Variants in ZBBX observed in about 807,000 individuals in gnomAD.
ZBBX encodes the protein zinc finger B-box domain containing, also known as zinc finger B-box domain-containing protein 1.
A neutral mutation model predicts 108.5 loss-of-function variants in ZBBX; 101 were observed. The ratio of observed to expected loss-of-function variants is 0.93; its 90% CI spans 0.79 to 1.10. ZBBX has a LOEUF of 1.10. Among genes scored for constraint, ZBBX ranks in the 50% least tolerant of loss-of-function variants. The probability of loss-of-function intolerance (pLI) is 0.00; values close to 1 mark genes in which losing one functional copy is unlikely to be tolerated. For synonymous variants in ZBBX, 356 were observed against 323.4 expected, an observed-to-expected ratio of 1.10 and a Z score of -1.08; for missense variants, 1,009 against 941.4, an observed-to-expected ratio of 1.07 and a Z score of -0.94.
chr3:167,251,961 T>C (rs199874541), intron 20 of ZBBX, among the ~76,000 whole-genome samples: 840 of 71,666 alleles, frequency 0.012, 5 homozygotes, highest in East Asian at 0.075. Flanking sequence ...CACACACACA[T>C]CTGTCCATGC....
chr3:167,274,966 A>C (rs1432605337), intron 20 of ZBBX, among the ~76,000 whole-genome samples: 1 of 152,208 alleles, frequency 6.6e-6, no homozygotes, highest in South Asian at 2.1e-4. Context: ...TGATGAGGAA[A>C]CTAAATTTAT....
upstream of ZBBX, among the ~76,000 whole-genome samples, chr3:167,383,089 T>G (rs777292480): frequency 6.6e-6 from 1 of 152,150 alleles, no homozygotes; most frequent in Non-Finnish European, 1.5e-5. Context: ...TATCTTGTTT[T>G]TAAGTATTGC....
chr3:167,255,498 G>T (rs1576788100), intron 20 of ZBBX, among the ~76,000 whole-genome samples: 1 of 151,894 alleles, frequency 6.6e-6, no homozygotes, highest in Admixed American at 6.6e-5. Context: ...TACAACAAGG[G>T]ATGTATTCAG....
At chr3:167,370,015 T>C (rs1380608668) in intron 4 of ZBBX, among the ~76,000 whole-genome samples, 1 of 152,160 alleles carries the variant, frequency 6.6e-6, no homozygotes, top group East Asian at 1.9e-4. Flanking sequence ...TAAGCCATGA[T>C]GAGAAATTGG....
Position 167,372,921 on chromosome 3 carries a change from T to C in ZBBX, c.-20A>G. On this transcript the variant is annotated 5_prime_UTR_variant, in exon 4 of 22. Transcript: ENST00000675490. ...GTTCATGATTACCACCTTAATATTG[T>C]CTAAAAGTTATTCTGATTTGTAAAC... The C allele has an allele frequency of 6.4e-7, 1 of 1,566,294 alleles. No individual in the cohort carries two copies. Among genetic ancestry groups the C allele is most frequent in the Non-Finnish European group, 8.6e-7 (1 of 1,158,168 alleles).
chr3:167,272,270 T>C (rs954080757), intron 20 of ZBBX, among the ~76,000 whole-genome samples: 5 of 152,140 alleles, frequency 3.3e-5, no homozygotes, highest in Non-Finnish European at 7.4e-5. Context: ...AAAGATCAAT[T>C]CCTCAGGAAT....
the ZBBX span, among the ~76,000 whole-genome samples, chr3:167,204,863 C>T: frequency 1.3e-5 from 2 of 150,624 alleles, no homozygotes; most frequent in Non-Finnish European, 2.9e-5. Context: ...GTGATAAATA[C>T]TTGAGATAGA....
the ZBBX span, among the ~76,000 whole-genome samples, chr3:167,189,632 T>G: frequency 5.3e-5 from 8 of 152,208 alleles, no homozygotes; most frequent in African/African-American, 1.9e-4. Context: ...ATTTTTAAAA[T>G]AGACTTTCAT....
rs537171523 is a variant in ZBBX, at chr3:167,324,485, T to G, written c.863-2248A>C. ...TAGGTCTGAGGACTTCATAAAAAACTGAATCCCCAATATGGTGGCTGAAGC... is the reference window on the plus strand; with the variant it reads ...TAGGTCTGAGGACTTCATAAAAAACGGAATCCCCAATATGGTGGCTGAAGC... On this transcript the variant is annotated intron_variant, in intron 11 of 21. Transcript: ENST00000675490. Among the ~76,000 whole-genome samples the G allele has an allele frequency of 6.6e-4, 100 of 152,206 alleles. 1 individual carries two copies. Among genetic ancestry groups the G allele is most frequent in the South Asian group, 2.3e-3 (11 of 4,826 alleles).
At chr3:167,182,505 T>C in the ZBBX span, among the ~76,000 whole-genome samples, 3 of 152,232 alleles carry the variant, frequency 2.0e-5, no homozygotes, top group African/African-American at 4.8e-5. Flanking sequence ...CCTGAAGCGA[T>C]TTTTTCCTAA....
At chr3:167,211,576 G>C in the ZBBX span, among the ~76,000 whole-genome samples, 1 of 152,196 alleles carries the variant, frequency 6.6e-6, no homozygotes, top group Non-Finnish European at 1.5e-5. Context: ...CTAAGAAGGA[G>C]TTCCCAGGGG....
At chr3:167,186,238 G>T in the ZBBX span, among the ~76,000 whole-genome samples, 1 of 151,622 alleles carries the variant, frequency 6.6e-6, no homozygotes, top group African/African-American at 2.4e-5. Context: ...ATTTCAAAAG[G>T]GGGCTTCCAA....
chr3:167,353,337 C>A (rs1452098629), intron 8 of ZBBX, among the ~76,000 whole-genome samples: 2 of 151,984 alleles, frequency 1.3e-5, no homozygotes, highest in East Asian at 3.9e-4. Flanking sequence ...TCTTTTACAG[C>A]AACATGAAAG....
At chr3:167,244,514 G>T (rs922991430) in intron 20 of ZBBX, among the ~76,000 whole-genome samples, 4 of 152,128 alleles carry the variant, frequency 2.6e-5, no homozygotes, top group African/African-American at 9.7e-5. Flanking sequence ...TATTTTTCTA[G>T]AACTATTTAT....
intron 15 of ZBBX, 63 bp downstream of exon 15, chr3:167,315,687 G>T: frequency 8.7e-7 from 1 of 1,143,516 alleles, no homozygotes; most frequent in South Asian, 1.4e-5. Flanking sequence ...AAAGACAGAT[G>T]ATTTTGTGTG....
intron 19 of ZBBX, among the ~76,000 whole-genome samples, chr3:167,284,820 T>C (rs964944947): frequency 6.6e-6 from 1 of 152,150 alleles, no homozygotes; most frequent in Non-Finnish European, 1.5e-5. Context: ...TTGATTTTGT[T>C]TATTGTTCTT....
the ZBBX span, among the ~76,000 whole-genome samples, chr3:167,228,313 T>C: frequency 6.6e-6 from 1 of 151,554 alleles, no homozygotes; most frequent in Non-Finnish European, 1.5e-5. Flanking sequence ...TCAAGCTGAG[T>C]TTTTCCACCG....
chr3:167,318,349 G>A (rs558189640), intron 12 of ZBBX, among the ~76,000 whole-genome samples: 1 of 151,950 alleles, frequency 6.6e-6, no homozygotes, highest in East Asian at 1.9e-4. Context: ...AAATATACCA[G>A]GCTCCATTCT....
chr3:167,383,823 C>A (rs922149028), upstream of ZBBX, among the ~76,000 whole-genome samples: 1 of 152,036 alleles, frequency 6.6e-6, no homozygotes, highest in Non-Finnish European at 1.5e-5. Flanking sequence ...CAAAGGTGAA[C>A]AAAGACACCG....
Sources: gnomAD v4.1 joint callset for allele counts (sites outside exome capture counted in the v4.1 genomes callset) on GRCh38, gnomAD v4.1.1 for gene constraint, MANE v1.5 for transcripts, NCBI Gene and HGNC (gene_info 2026-07-23, HGNC 2026-07-21) for gene names.